B4GALT5: variants seen among roughly 807,000 people sequenced by gnomAD.
B4GALT5 encodes the protein beta-1,4-galactosyltransferase 5.
A neutral mutation model predicts 45.0 loss-of-function variants in B4GALT5; 11 were observed. The observed-to-expected ratio is 0.24, with a 90% CI of 0.15 to 0.40. The LOEUF is 0.40. B4GALT5 is among the 10% of genes least tolerant of loss of function. The pLI, the probability that B4GALT5 is intolerant of heterozygous loss-of-function variation, is 1.00. For missense variants in B4GALT5, 337 were observed against 500.2 expected (o/e 0.67, Z 3.11); for synonymous variants, 185 against 182.9 (o/e 1.01, Z -0.09).
chr20:49,672,925 C>T (rs1287673563), intron 1 of B4GALT5, among the ~76,000 whole-genome samples: 13 of 152,156 alleles, frequency 8.5e-5, no homozygotes, highest in African/African-American at 2.4e-4. Flanking sequence ...AAGGGGGAAA[C>T]GTGCATTTAC....
intron 1 of B4GALT5, among the ~76,000 whole-genome samples, chr20:49,701,584 C>A (rs1263135892): frequency 6.6e-6 from 1 of 151,952 alleles, no homozygotes; most frequent in Non-Finnish European, 1.5e-5. Flanking sequence ...GTGTTGTGGA[C>A]GAGGAAGGCA....
chr20:49,688,937 CAAAA>C (rs780888236), intron 1 of B4GALT5, among the ~76,000 whole-genome samples: 1 of 74,210 alleles, frequency 1.3e-5, no homozygotes, highest in Non-Finnish European at 2.8e-5. Context: ...AACTCCATCT[CAAAA>C]AAAAAAAAAA....
At chr20:49,658,789 T>C (rs375737444) in intron 1 of B4GALT5, among the ~76,000 whole-genome samples, 1 of 152,166 alleles carries the variant, frequency 6.6e-6, no homozygotes, top group African/African-American at 2.4e-5. Flanking sequence ...TGTGCACTTG[T>C]AACAAGCTCG....
At chr20:49,706,434 C>T (rs550072144) in intron 1 of B4GALT5, among the ~76,000 whole-genome samples, 1 of 152,282 alleles carries the variant, frequency 6.6e-6, no homozygotes, top group South Asian at 2.1e-4. Context: ...AAGTTAATGA[C>T]TCAACTTGAC....
chr20:49,638,423 A>T (rs2085562881), intron 7 of B4GALT5, among the ~76,000 whole-genome samples: 1 of 152,230 alleles, frequency 6.6e-6, no homozygotes, highest in African/African-American at 2.4e-5. Context: ...AGTATTTTGC[A>T]TTTGTTCCTT....
At chr20:49,692,209 G>C (rs899210001) in intron 1 of B4GALT5, among the ~76,000 whole-genome samples, 2 of 151,258 alleles carry the variant, frequency 1.3e-5, no homozygotes, top group African/African-American at 4.9e-5. Context: ...TAGGTATGTT[G>C]AGTGTGCTGT....
intron 1 of B4GALT5, among the ~76,000 whole-genome samples, chr20:49,676,671 C>T (rs1157694102): frequency 1.3e-5 from 2 of 152,340 alleles, no homozygotes; most frequent in South Asian, 4.1e-4. Flanking sequence ...AGGACTAGAG[C>T]AGATGCGTAC....
At chr20:49,701,098 G>A (rs758705257) in intron 1 of B4GALT5, among the ~76,000 whole-genome samples, 1 of 152,204 alleles carries the variant, frequency 6.6e-6, no homozygotes, top group Non-Finnish European at 1.5e-5. Flanking sequence ...GTGATACACT[G>A]TCTGCTTTGT....
At chr20:49,709,912 A>G (rs2085900721) in intron 1 of B4GALT5, among the ~76,000 whole-genome samples, 1 of 152,138 alleles carries the variant, frequency 6.6e-6, no homozygotes, top group African/African-American at 2.4e-5. Flanking sequence ...CTCATATCCA[A>G]TTTTCTATGT....
intron 8 of B4GALT5, 66 bp from the exon 9 acceptor site, chr20:49,636,525 A>T: frequency 1.9e-6 from 3 of 1,571,194 alleles, no homozygotes; most frequent in Non-Finnish European, 2.6e-6. Flanking sequence ...CAGCCAGAGG[A>T]TGGAGCAGGG....
chr20:49,707,443 T>G (rs191557537), intron 1 of B4GALT5, among the ~76,000 whole-genome samples: 1 of 151,940 alleles, frequency 6.6e-6, no homozygotes, highest in African/African-American at 2.4e-5. Context: ...TTTCCCCATA[T>G]GTATTTCATT....
intron 1 of B4GALT5, among the ~76,000 whole-genome samples, chr20:49,683,242 C>T (rs1470090075): frequency 6.6e-6 from 1 of 152,184 alleles, no homozygotes; most frequent in East Asian, 1.9e-4. Flanking sequence ...TTAGAAGTTG[C>T]AAACTATCTG....
intron 1 of B4GALT5, among the ~76,000 whole-genome samples, chr20:49,685,596 C>T (rs1170529956): frequency 6.6e-6 from 1 of 152,118 alleles, no homozygotes; most frequent in Non-Finnish European, 1.5e-5. Flanking sequence ...CCCATTTCCT[C>T]AATTATCTGT....
At chr20:49,683,935 G>A (rs920969753) in intron 1 of B4GALT5, among the ~76,000 whole-genome samples, 23 of 150,844 alleles carry the variant, frequency 1.5e-4, no homozygotes, top group African/African-American at 5.4e-4. Context: ...GAGGTCAGAA[G>A]TTTGAGACCA....
At chr20:49,708,275 A>C (rs960042246) in intron 1 of B4GALT5, among the ~76,000 whole-genome samples, 2 of 152,050 alleles carry the variant, frequency 1.3e-5, no homozygotes, top group African/African-American at 2.4e-5. Context: ...AATAAATTAA[A>C]ATCTTAGGAC....
At chr20:49,643,922 C>CT (rs138727530) in intron 3 of B4GALT5, among the ~76,000 whole-genome samples, 594 of 52,172 alleles carry the variant, frequency 0.011, 113 homozygotes, top group African/African-American at 0.03. Context: ...AGTAGCTGAG[C>CT]TTTTTTTTTT....
intron 7 of B4GALT5, among the ~76,000 whole-genome samples, chr20:49,637,983 AT>A (rs2085561072): frequency 6.6e-6 from 1 of 151,932 alleles, no homozygotes. Context: ...ATAAAATAGA[AT>A]CAAAATGGGG....
intron 1 of B4GALT5, among the ~76,000 whole-genome samples, chr20:49,681,428 G>A (rs1409620284): frequency 2.0e-5 from 2 of 102,198 alleles, no homozygotes; most frequent in Admixed American, 1.1e-4. Flanking sequence ...GATCCCCAAG[G>A]CCCAGACCCT....
intron 1 of B4GALT5, among the ~76,000 whole-genome samples, chr20:49,712,999 G>A (rs999476294): frequency 1.1e-4 from 17 of 151,214 alleles, no homozygotes; most frequent in Non-Finnish European, 4.4e-5. Flanking sequence ...CCTGGAGGTG[G>A]ATGTAATAGG....
Sources: allele counts gnomAD v4.1 joint callset (sites outside exome capture counted in the v4.1 genomes callset), GRCh38; gene constraint gnomAD v4.1.1; transcripts MANE v1.5; gene names NCBI Gene and HGNC (gene_info 2026-07-23, HGNC 2026-07-21).